Variants in ITIH5 observed in about 807,000 individuals in gnomAD.
ITIH5 encodes inter-alpha-trypsin inhibitor heavy chain 5.
A neutral mutation model predicts 77.5 loss-of-function variants in ITIH5; 65 were observed. The observed-to-expected ratio is 0.84, with a 90% CI of 0.69 to 1.03. ITIH5 has a LOEUF of 1.03. ITIH5 is among the 50% of genes least tolerant of loss of function. The pLI, the probability that ITIH5 is intolerant of heterozygous loss-of-function variation, is 0.00. For missense variants in ITIH5, 1,208 were observed against 1,213.1 expected (o/e 1.00, Z 0.06); for synonymous variants, 525 against 494.3 (o/e 1.06, Z -0.82).
intron 5 of ITIH5, among the ~76,000 whole-genome samples, chr10:7,632,931 G>A (rs1163701954): frequency 2.0e-5 from 3 of 152,204 alleles, no homozygotes; most frequent in Non-Finnish European, 4.4e-5. Context: ...CATGGCAGGG[G>A]TAGTAATTTA....
intron 12 of ITIH5, among the ~76,000 whole-genome samples, chr10:7,568,080 AG>A (rs376264795): frequency 3.0e-4 from 45 of 152,302 alleles, no homozygotes; most frequent in East Asian, 1.9e-3. Flanking sequence ...ACCAGGCCCC[AG>A]GGTTCCGTGC....
chr10:7,636,777 G>A lies in ITIH5; in HGVS notation c.652+451C>T, dbSNP rs149479476. On this transcript the variant is annotated intron_variant, in intron 5 of 13. Coordinates refer to ENST00000397146, the MANE Select transcript of ITIH5 (RefSeq NM_030569.7). ...TTTTTAATAAAAAAAAAATGGGCCG[G>A]GTGCGCTGGCTCACACCTGTAATCC... Among the ~76,000 whole-genome samples, 60 of 152,262 alleles carry A rather than the reference G, an allele frequency of 3.9e-4. 2 individuals carry two copies. In the East Asian group the frequency reaches 7.0e-3, roughly 18 times the overall value.
intron 1 of ITIH5, among the ~76,000 whole-genome samples, chr10:7,664,657 G>T (rs1834333886): frequency 6.6e-6 from 1 of 152,142 alleles, no homozygotes; most frequent in Admixed American, 6.5e-5. Context: ...TGAATCTAAG[G>T]TGTTACTGGT....
intron 8 of ITIH5, 75 bp downstream of exon 8, chr10:7,585,826 A>G: frequency 3.5e-6 from 2 of 565,890 alleles, no homozygotes; most frequent in Non-Finnish European, 5.1e-6. Flanking sequence ...ATCTCTTGGC[A>G]AAAAAAAAAA....
intron 5 of ITIH5, among the ~76,000 whole-genome samples, chr10:7,627,339 A>C (rs145831922): frequency 6.6e-6 from 1 of 151,242 alleles, no homozygotes; most frequent in Non-Finnish European, 1.5e-5. Context: ...GTAAAAAAAA[A>C]AAAAAAAAAA....
chr10:7,600,595 T>C (rs1170677489), intron 7 of ITIH5: 1 of 456,742 alleles, frequency 2.2e-6, no homozygotes. Flanking sequence ...AATCACTAAT[T>C]ATCTGACTTT....
chr10:7,658,558 G>A (rs756023778), intron 1 of ITIH5, among the ~76,000 whole-genome samples: 22 of 152,108 alleles, frequency 1.4e-4, no homozygotes, highest in African/African-American at 3.4e-4. Context: ...CCAGGGTGTC[G>A]GGGCACAGCT....
At chr10:7,622,509 C>T (rs1009405553) in intron 5 of ITIH5, 6 of 151,884 alleles carry the variant, frequency 4.0e-5, no homozygotes, top group Non-Finnish European at 5.9e-5. Flanking sequence ...GTACTTTGTC[C>T]ATTATGAAAG....
At chr10:7,576,041 T>C (rs901099485) in intron 10 of ITIH5, among the ~76,000 whole-genome samples, 10 of 152,198 alleles carry the variant, frequency 6.6e-5, no homozygotes, top group Non-Finnish European at 1.2e-4. Context: ...GTTGTTTTTT[T>C]AGAGACGGGG....
chr10:7,628,846 CGT>C lies in ITIH5; in HGVS notation c.652+8380_652+8381del, dbSNP rs1218427845. On this transcript the variant is annotated intron_variant, in intron 5 of 13. Transcript: ENST00000397146. ...GTTGTAGCGTGTGTCCCTGTTGTAGCGTGTGTCCCTGTTGTAGCGTGTGTCCG... is the reference window on the plus strand; with the variant it reads ...GTTGTAGCGTGTGTCCCTGTTGTAGCGTGTCCCTGTTGTAGCGTGTGTCCG... 8.1e-5 allele frequency among the ~76,000 whole-genome samples: 11 copies of C among 135,680 alleles called. 2 individuals are homozygous for C. The highest frequency in any genetic ancestry group is 1.7e-4 in the Non-Finnish European group (10 of 58,546). 89.0% of individuals were successfully genotyped at this position (135,680 alleles called of 152,430 possible). A position where few individuals can be genotyped will look rare whatever the true frequency, so the allele number is the denominator to read the frequency against.
Position 7,580,057 on chromosome 10 carries a change from G to A in ITIH5, c.1116C>T (p.Asp372=), listed in dbSNP as rs1467684944. Reference sequence around the variant, plus strand: ...TGGCCCTCTGCAGGGCCCCGTTGATGTCTGTGCCTGCAGGACACCAACACG... The same window carrying A: ...TGGCCCTCTGCAGGGCCCCGTTGATATCTGTGCCTGCAGGACACCAACACG... ...IHHMSPTGGT[D]INGALQRAIR... is the part of the protein sequence containing the mutation. Residue 372 remains aspartate, a synonymous_variant, in exon 9 of 14, where the codon GAC becomes GAT. Coordinates refer to ENST00000397146, the MANE Select transcript of ITIH5 (RefSeq NM_030569.7). 2.5e-6 allele frequency: 4 copies of A among 1,599,366 alleles called. No homozygotes were observed. Among genetic ancestry groups the A allele is most frequent in the Middle Eastern group, 2.0e-4 (1 of 4,884 alleles).
intron 7 of ITIH5, among the ~76,000 whole-genome samples, chr10:7,592,615 A>C (rs780842254): frequency 2.6e-5 from 4 of 152,190 alleles, no homozygotes; most frequent in Non-Finnish European, 5.9e-5. Flanking sequence ...TAAGACAGAC[A>C]CTACTGAGAA....
At chr10:7,585,666 A>G (rs1832658094) in intron 8 of ITIH5, among the ~76,000 whole-genome samples, 1 of 152,068 alleles carries the variant, frequency 6.6e-6, no homozygotes, top group South Asian at 2.1e-4. Flanking sequence ...CCAAACACCT[A>G]TCAGGTTATT....
chr10:7,655,807 C>A (rs993911996), intron 1 of ITIH5, 132 bp from the exon 2 acceptor site: 3 of 710,808 alleles, frequency 4.2e-6, no homozygotes, highest in African/African-American at 3.6e-5. Flanking sequence ...AAAGCTGTAT[C>A]TATCCTGAAA....
intron 7 of ITIH5, among the ~76,000 whole-genome samples, chr10:7,613,111 G>A (rs1048407519): frequency 6.6e-6 from 1 of 152,274 alleles, no homozygotes; most frequent in East Asian, 1.9e-4. Context: ...TGGGCATGGT[G>A]GCGAGCACCT....
intron 5 of ITIH5, among the ~76,000 whole-genome samples, chr10:7,628,215 T>C (rs900562911): frequency 6.6e-6 from 1 of 152,208 alleles, no homozygotes; most frequent in Non-Finnish European, 1.5e-5. Context: ...ACTACCTCTA[T>C]TAAGTTCCAA....
chr10:7,569,809 A>T (rs374936046), intron 11 of ITIH5, 25 bp from the exon 12 acceptor site: 4 of 1,421,460 alleles, frequency 2.8e-6, no homozygotes, highest in Non-Finnish European at 3.9e-6. Flanking sequence ...GAAAACGGAG[A>T]GAAAAAGAAA....
At chr10:7,586,107 C>A in intron 7 of ITIH5, 38 bp from the exon 8 acceptor site, 1 of 1,565,726 alleles carries the variant, frequency 6.4e-7, no homozygotes, top group South Asian at 1.2e-5. Context: ...CACAGCTGCT[C>A]ACATAAGTCC....
intron 1 of ITIH5, 24 bp downstream of exon 1, chr10:7,666,779 C>T: frequency 6.3e-7 from 1 of 1,591,912 alleles, no homozygotes. Context: ...CGCCCGGGAC[C>T]CGGCTCCCCT....
Sources: gnomAD v4.1 joint callset for allele counts (sites outside exome capture counted in the v4.1 genomes callset) on GRCh38, gnomAD v4.1.1 for gene constraint, MANE v1.5 for transcripts, NCBI Gene and HGNC (gene_info 2026-07-23, HGNC 2026-07-21) for gene names.